MACROH2A2: variants seen among roughly 807,000 people sequenced by gnomAD.
MACROH2A2 encodes core histone macro-H2A.2.
In MACROH2A2, 6 loss-of-function variants were observed where a neutral mutation model predicts 37.6. The ratio of observed to expected loss-of-function variants is 0.16; its 90% CI spans 0.09 to 0.32. The LOEUF (loss-of-function observed/expected upper bound fraction) is 0.32, where lower values mean the gene tolerates loss of function less well. MACROH2A2 is among the 10% of genes least tolerant of loss of function. The probability of loss-of-function intolerance (pLI) is 1.00; values close to 1 mark genes in which losing one functional copy is unlikely to be tolerated. For missense variants in MACROH2A2, 290 were observed against 485.9 expected (o/e 0.60, Z 3.79); for synonymous variants, 192 against 202.7 (o/e 0.95, Z 0.45).
intron 3 of MACROH2A2, among the ~76,000 whole-genome samples, 168 bp downstream of exon 3, chr10:70,090,334 T>G (rs951992330): frequency 6.6e-6 from 1 of 152,282 alleles, no homozygotes; most frequent in Non-Finnish European, 1.5e-5. Flanking sequence ...TCATTCAGAT[T>G]CAAAATAAAA....
intron 1 of MACROH2A2, among the ~76,000 whole-genome samples, chr10:70,065,801 G>A (rs1469840082): frequency 1.3e-5 from 2 of 152,060 alleles, no homozygotes; most frequent in Non-Finnish European, 1.5e-5. Flanking sequence ...AGTGGGTTGA[G>A]GGGGGAGGGA....
intron 1 of MACROH2A2, among the ~76,000 whole-genome samples, chr10:70,063,150 C>T (rs182021072): frequency 3.3e-4 from 50 of 151,642 alleles, no homozygotes; most frequent in South Asian, 6.3e-4. Flanking sequence ...TGTGGCTCAA[C>T]GTATATCAGC....
rs116488200 is a variant in MACROH2A2 at position 70,087,224 on chromosome 10, C to A, written c.173-2836C>A. Among the ~76,000 whole-genome samples the A allele has an allele frequency of 7.5e-3, 1,116 of 148,640 alleles. 16 individuals carry two copies. Among genetic ancestry groups the A allele is most frequent in the African/African-American group, 0.026 (1,043 of 40,490 alleles). On this transcript the variant is annotated intron_variant, in intron 2 of 8. Transcript: ENST00000373255. ...TTTGAAAGCCTTATAATTCCATTTTCTTTTCTTTCTTCTTTTTTTTTTTTT... is the reference window on the plus strand; with the variant it reads ...TTTGAAAGCCTTATAATTCCATTTTATTTTCTTTCTTCTTTTTTTTTTTTT...
intron 2 of MACROH2A2, among the ~76,000 whole-genome samples, chr10:70,087,843 A>C (rs2072220555): frequency 6.6e-6 from 1 of 152,236 alleles, no homozygotes. Context: ...GCGGTGATTC[A>C]GCACTTTTCT....
intron 1 of MACROH2A2, among the ~76,000 whole-genome samples, chr10:70,066,202 A>T (rs545359189): frequency 6.6e-6 from 1 of 152,006 alleles, no homozygotes; most frequent in Non-Finnish European, 1.5e-5. Context: ...TGTGGTGTAC[A>T]CCTATAGTCC....
At chr10:70,102,329 C>T (rs1295425972) in intron 7 of MACROH2A2, among the ~76,000 whole-genome samples, 1 of 152,160 alleles carries the variant, frequency 6.6e-6, no homozygotes, top group Non-Finnish European at 1.5e-5. Context: ...GAGTCTGGGC[C>T]TGTGGGCTGT....
At chr10:70,105,068 G>C (rs1243861820) in intron 7 of MACROH2A2, among the ~76,000 whole-genome samples, 4 of 152,232 alleles carry the variant, frequency 2.6e-5, no homozygotes, top group African/African-American at 9.6e-5. Flanking sequence ...CTGGAGCTAA[G>C]GTAAGTCCAG....
At chr10:70,055,105 G>A (rs2072006759) in intron 1 of MACROH2A2, among the ~76,000 whole-genome samples, 2 of 152,168 alleles carry the variant, frequency 1.3e-5, no homozygotes, top group Admixed American at 1.3e-4. Context: ...TTCCCAGTGG[G>A]TGGGACACCC....
intron 6 of MACROH2A2, chr10:70,099,711 G>A (rs1366713931): frequency 6.6e-6 from 1 of 151,854 alleles, no homozygotes; most frequent in Non-Finnish European, 1.5e-5. Context: ...CGGCAGGAAA[G>A]TCCTTAGAGA....
At position 70,109,332 on chromosome 10, in the gene MACROH2A2, G is replaced by A. The variant is rs375082342; in HGVS notation, c.953+125G>A. 35 of 771,968 alleles carry A rather than the reference G, an allele frequency of 4.5e-5. No individual in the cohort carries two copies. In the East Asian group the frequency reaches 7.5e-4, roughly 17 times the overall value. The allele number at this position is 771,968 out of a possible 1,614,324, so 47.8% of individuals were successfully genotyped here. Reference sequence around the variant, plus strand: ...GCACAGCCAAGTATGCTGACCAGATGACAGGGCAGGAAACCCGGTTTTCAT... The same window carrying A: ...GCACAGCCAAGTATGCTGACCAGATAACAGGGCAGGAAACCCGGTTTTCAT... On this transcript the variant is annotated intron_variant, in intron 8 of 8. Coordinates refer to ENST00000373255, the MANE Select transcript of MACROH2A2 (RefSeq NM_018649.3).
intron 1 of MACROH2A2, among the ~76,000 whole-genome samples, chr10:70,055,198 C>T (rs2072007431): frequency 6.6e-6 from 1 of 152,194 alleles, no homozygotes; most frequent in African/African-American, 2.4e-5. Context: ...TCTTAGGCAA[C>T]TTTAAATGAA....
chr10:70,059,129 C>G (rs2136615022), intron 1 of MACROH2A2, among the ~76,000 whole-genome samples: 1 of 152,260 alleles, frequency 6.6e-6, no homozygotes, highest in South Asian at 2.1e-4. Context: ...CCTGGTTGCT[C>G]TATCTCTGTG....
At chr10:70,080,984 G>C (rs2136629121) in intron 2 of MACROH2A2, among the ~76,000 whole-genome samples, 1 of 141,660 alleles carries the variant, frequency 7.1e-6, no homozygotes, top group African/African-American at 2.6e-5. Context: ...AGGATTCCTT[G>C]AGCCCAGGAA....
intron 3 of MACROH2A2, among the ~76,000 whole-genome samples, chr10:70,090,468 T>A (rs933978724): frequency 6.6e-6 from 1 of 152,352 alleles, no homozygotes; most frequent in Non-Finnish European, 1.5e-5. Flanking sequence ...TTCACTTTCT[T>A]CACCCAAACT....
chr10:70,070,282 C>G (rs2172075), intron 1 of MACROH2A2, among the ~76,000 whole-genome samples: 7 of 152,170 alleles, frequency 4.6e-5, no homozygotes, highest in Admixed American at 1.3e-4. Context: ...GATGGAGCTG[C>G]ATCCCCCACC....
intron 7 of MACROH2A2, among the ~76,000 whole-genome samples, chr10:70,108,259 C>T (rs1009320796): frequency 1.3e-5 from 2 of 152,156 alleles, no homozygotes; most frequent in Non-Finnish European, 2.9e-5. Context: ...GTATTCATTT[C>T]CTGTGGCTAC....
intron 5 of MACROH2A2, 62 bp from the exon 6 acceptor site, chr10:70,095,592 T>C: frequency 2.4e-6 from 2 of 821,978 alleles, no homozygotes; most frequent in East Asian, 2.5e-5. Flanking sequence ...GCAAGTAAAA[T>C]ATGAGATTTT....
At chr10:70,086,680 G>C (rs973896683) in intron 2 of MACROH2A2, among the ~76,000 whole-genome samples, 1 of 152,198 alleles carries the variant, frequency 6.6e-6, no homozygotes, top group Non-Finnish European at 1.5e-5. Context: ...CAGGAGAGAG[G>C]AAAGTAATGA....
chr10:70,071,496 AG>A (rs1040980985), intron 1 of MACROH2A2, among the ~76,000 whole-genome samples: 11 of 152,256 alleles, frequency 7.2e-5, no homozygotes, highest in Non-Finnish European at 2.9e-5. Flanking sequence ...TGTTTTACAG[AG>A]AAGGCCACTG....
Sources: gnomAD v4.1 joint callset for allele counts (sites outside exome capture counted in the v4.1 genomes callset) on GRCh38, gnomAD v4.1.1 for gene constraint, MANE v1.5 for transcripts, NCBI Gene and HGNC (gene_info 2026-07-23, HGNC 2026-07-21) for gene names.